SHANK2: variants seen among roughly 807,000 people sequenced by gnomAD.
SHANK2 encodes the protein SH3 and multiple ankyrin repeat domains 2.
In SHANK2, 43 loss-of-function variants were observed where a neutral mutation model predicts 133.7. The observed-to-expected ratio is 0.32, with a 90% CI of 0.25 to 0.41. The LOEUF is 0.41. Among genes scored for constraint, SHANK2 ranks in the 10% least tolerant of loss-of-function variants. The pLI is 1.00. For synonymous variants in SHANK2, 1,017 were observed against 952.8 expected, an observed-to-expected ratio of 1.07 and a Z score of -1.24; for missense variants, 1,994 against 2,235.8, an observed-to-expected ratio of 0.89 and a Z score of 2.18.
At chr11:70,747,023 A>ACCCCTGCACTCCCCTCCCTCCC (rs1946654875) in intron 14 of SHANK2, among the ~76,000 whole-genome samples, 2 of 65,894 alleles carry the variant, frequency 3.0e-5, no homozygotes, top group African/African-American at 1.2e-4. Context: ...CCCTCCCTCC[A>ACCCCTGCACTCCCCTCCCTCCC]CCCCTGCACT....
intron 2 of SHANK2, among the ~76,000 whole-genome samples, chr11:71,193,567 C>T (rs782071342): frequency 2.4e-4 from 37 of 152,176 alleles, no homozygotes; most frequent in Non-Finnish European, 5.0e-4. Context: ...AGGGTACTGG[C>T]GTGACTGTTA....
chr11:70,608,144 A>G (rs1460863018), intron 17 of SHANK2, among the ~76,000 whole-genome samples: 1 of 151,782 alleles, frequency 6.6e-6, no homozygotes, highest in African/African-American at 2.4e-5. Context: ...TTTGCAAGAG[A>G]TTTTTCTTTT....
intron 3 of SHANK2, among the ~76,000 whole-genome samples, chr11:71,119,413 C>T (rs1213536980): frequency 6.6e-6 from 1 of 152,070 alleles, no homozygotes; most frequent in East Asian, 1.9e-4. Context: ...AACCCCATCG[C>T]TGCTAAAAAT....
At position 70,673,747 on chromosome 11, in the gene SHANK2, G is replaced by A. The variant is rs373598846; in HGVS notation, c.1854-12069C>T. ...GAGAAACCCAGGCCAGGCCCATGCC[G>A]GAGGAGAAGGCCACTGCTGCCGTCC... On this transcript the variant is annotated intron_variant, in intron 15 of 25. Coordinates refer to ENST00000601538, the MANE Select transcript of SHANK2 (RefSeq NM_012309.5). Among the ~76,000 whole-genome samples, 22 of 152,350 alleles carry A rather than the reference G, an allele frequency of 1.4e-4. No homozygotes were observed. The East Asian group carries it at 3.5e-3, about 24-fold the overall frequency.
In SHANK2 at chr11:70,472,691, C is replaced by G. The variant is rs2058611186; in HGVS notation, c.*178G>C. The G allele has an allele frequency of 1.5e-6, 1 of 663,890 alleles. No homozygotes were observed. The highest frequency in any genetic ancestry group is 2.7e-5 in the East Asian group (1 of 37,448). The allele number at this position is 663,890 out of a possible 1,614,324, so 41.1% of individuals were successfully genotyped here. A position where few individuals can be genotyped will look rare whatever the true frequency, so the allele number is the denominator to read the frequency against. ...TGCCCAAGACACCCACATGGTGAGCCAGGGGTCTGAAGACCCAGCCATGTT... is the reference window on the plus strand; with the variant it reads ...TGCCCAAGACACCCACATGGTGAGCGAGGGGTCTGAAGACCCAGCCATGTT... On this transcript the variant is annotated 3_prime_UTR_variant, in exon 26 of 26. Transcript: ENST00000601538. This position sits in a 1 kb window ranked among gnomAD's most constrained non-coding sequence, Gnocchi z 4.4.
intron 14 of SHANK2, among the ~76,000 whole-genome samples, chr11:70,720,492 A>AT (rs1275490904): frequency 6.6e-6 from 1 of 152,212 alleles, no homozygotes; most frequent in Non-Finnish European, 1.5e-5. Flanking sequence ...GCCAGCTCCC[A>AT]GGGGGCCATG....
intron 9 of SHANK2, among the ~76,000 whole-genome samples, chr11:71,073,717 G>A (rs1448844512): frequency 2.6e-5 from 4 of 151,930 alleles, no homozygotes; most frequent in Non-Finnish European, 5.9e-5. Context: ...CTCCTCCCTC[G>A]GCCTCCCAAA....
At chr11:70,910,656 A>G (rs1259200946) in intron 10 of SHANK2, among the ~76,000 whole-genome samples, 1 of 152,038 alleles carries the variant, frequency 6.6e-6, no homozygotes, top group Non-Finnish European at 1.5e-5. Flanking sequence ...AAAAATACAA[A>G]ATTAGCCGGG....
chr11:70,661,526 C>T, intron 16 of SHANK2, 70 bp downstream of exon 16: 1 of 323,706 alleles, frequency 3.1e-6, no homozygotes, highest in Non-Finnish European at 6.0e-6. Flanking sequence ...CACACACACA[C>T]ACACACACAC....
chr11:70,828,141 G>A (rs1190088144), intron 11 of SHANK2, among the ~76,000 whole-genome samples: 3 of 152,094 alleles, frequency 2.0e-5, no homozygotes, highest in Admixed American at 6.5e-5. Context: ...AACATTAGCC[G>A]GGTGTGGTCG....
chr11:70,518,990 G>T (rs782454417), intron 17 of SHANK2, among the ~76,000 whole-genome samples: 15 of 152,128 alleles, frequency 9.9e-5, no homozygotes, highest in African/African-American at 1.4e-4. Flanking sequence ...GCTCACTGCA[G>T]CCTTGACCTC....
At chr11:70,524,823 C>A (rs1282683140) in intron 17 of SHANK2, among the ~76,000 whole-genome samples, 1 of 152,218 alleles carries the variant, frequency 6.6e-6, no homozygotes, top group African/African-American at 2.4e-5. Flanking sequence ...GTTGAGATAG[C>A]CCCTCCAAGG....
At position 70,487,407 on chromosome 11, in the gene SHANK2, G is replaced by A. The variant is rs782340420; in HGVS notation, c.2886C>T (p.Asp962=). 1.9e-5 allele frequency: 30 copies of A among 1,614,182 alleles called. 1 individual carries two copies. In the South Asian group the frequency reaches 3.1e-4, roughly 17 times the overall value. Reference sequence around the variant, plus strand: ...CATTCCGACTGTAGAGGTCTTCAGAGTCCAAGGAGTAGCGGTCCAGCTCTC... The same window carrying A: ...CATTCCGACTGTAGAGGTCTTCAGAATCCAAGGAGTAGCGGTCCAGCTCTC... ...FRRELDRYSL[D]SEDLYSRNAG... Residue 962 remains aspartate (D), a synonymous_variant, in exon 25 of 26, where the codon GAC becomes GAT. Coordinates refer to ENST00000601538, the MANE Select transcript of SHANK2 (RefSeq NM_012309.5). The surrounding 1 kb of genome is among the most constrained non-coding windows in gnomAD (Gnocchi z 5.8).
chr11:70,739,911 G>A lies in SHANK2; in HGVS notation c.1778-41148C>T, dbSNP rs782671736. ...AGCCGCCGCAGAGGATGATGATCCC[G>A]AATCCTGGCATTCGGTGGCACGCAG... On this transcript the variant is annotated intron_variant, in intron 14 of 25. Transcript: ENST00000601538. The surrounding 1 kb of genome is among the most constrained non-coding windows in gnomAD (Gnocchi z 4.3). Among the ~76,000 whole-genome samples, 6 of 152,244 alleles carry A rather than the reference G, an allele frequency of 3.9e-5. No homozygotes were observed. The highest frequency in any genetic ancestry group is 3.9e-4 in the East Asian group (2 of 5,186).
chr11:70,482,124 G>A (rs943454435), intron 25 of SHANK2, among the ~76,000 whole-genome samples: 2 of 152,388 alleles, frequency 1.3e-5, no homozygotes, highest in East Asian at 3.9e-4. Flanking sequence ...GCCTAGTTTA[G>A]TGCCTACAGT....
chr11:70,504,404 C>T (rs879949617), intron 17 of SHANK2, among the ~76,000 whole-genome samples: 17 of 152,328 alleles, frequency 1.1e-4, no homozygotes, highest in Admixed American at 6.5e-4. Context: ...TGGTCACCTA[C>T]GAGACGGCTG....
At chr11:71,110,422 A>G (rs1555098967) in intron 5 of SHANK2, among the ~76,000 whole-genome samples, 1 of 152,172 alleles carries the variant, frequency 6.6e-6, no homozygotes, top group African/African-American at 2.4e-5. Context: ...TGGGCAACAA[A>G]GCGAGACTCC....
intron 17 of SHANK2, among the ~76,000 whole-genome samples, chr11:70,554,134 A>G (rs1305596228): frequency 6.6e-6 from 1 of 152,250 alleles, no homozygotes; most frequent in Non-Finnish European, 1.5e-5. Flanking sequence ...GGAACTCCCG[A>G]GTCCAGCCCC....
intron 14 of SHANK2, among the ~76,000 whole-genome samples, chr11:70,716,071 C>T (rs1367122755): frequency 4.6e-5 from 7 of 152,084 alleles, no homozygotes; most frequent in Admixed American, 1.3e-4. Flanking sequence ...GCTCTGCCCC[C>T]CATGCCTGCC....
Sources: allele counts gnomAD v4.1 joint callset (sites outside exome capture counted in the v4.1 genomes callset), GRCh38; gene constraint gnomAD v4.1.1; non-coding constraint Gnocchi (gnomAD v3.1); transcripts MANE v1.5; gene names NCBI Gene and HGNC (gene_info 2026-07-23, HGNC 2026-07-21).